CLCN5: variants seen among roughly 807,000 people sequenced by gnomAD.
CLCN5 encodes the protein H(+)/Cl(-) exchange transporter 5.
CLCN5 carries 17 observed loss-of-function variants against 54.0 expected under a neutral mutation model. The observed-to-expected ratio is 0.31, with a 90% confidence interval of 0.22 to 0.47. CLCN5 has a LOEUF of 0.47. Among genes scored for constraint, CLCN5 ranks in the 20% least tolerant of loss-of-function variants. The probability of loss-of-function intolerance (pLI) is 1.00; values close to 1 mark genes in which losing one functional copy is unlikely to be tolerated. For missense variants in CLCN5, 448 were observed against 646.7 expected (o/e 0.69, Z 3.33); for synonymous variants, 222 against 233.0 (o/e 0.95, Z 0.43).
rs368908988 is a variant in CLCN5 at position 50,072,316 on chromosome X, C to T, written c.316-173C>T. Among the ~76,000 whole-genome samples, 7 of 111,420 alleles carry T rather than the reference C, an allele frequency of 6.3e-5. No individual in the cohort carries two copies. In the South Asian group the frequency reaches 2.6e-3, roughly 42 times the overall value. Reference sequence around the variant, plus strand: ...AATACTGTAGATGAAGGTGGGGTTTCGGTAAACCTCAAAGTTGTTAGTGAA... The same window carrying T: ...AATACTGTAGATGAAGGTGGGGTTTTGGTAAACCTCAAAGTTGTTAGTGAA... On this transcript the variant is annotated intron_variant, in intron 5 of 14. Coordinates refer to ENST00000376091, the MANE Select transcript of CLCN5 (RefSeq NM_001127898.4).
intron 4 of CLCN5, among the ~76,000 whole-genome samples, chrX:50,056,036 G>A: frequency 9.2e-6 from 1 of 108,595 alleles, no homozygotes; most frequent in Admixed American, 1.0e-4. Flanking sequence ...ATTCCCACAT[G>A]AGATATATAT....
intron 3 of CLCN5, among the ~76,000 whole-genome samples, chrX:49,989,564 A>G (rs1027049316): frequency 8.9e-6 from 1 of 112,404 alleles, no homozygotes; most frequent in African/African-American, 3.2e-5. Context: ...TTATTTAAAA[A>G]GTATATTAAG....
chrX:50,003,648 G>A, intron 3 of CLCN5: 3 of 308,633 alleles, frequency 9.7e-6, no homozygotes, highest in South Asian at 8.9e-5. Context: ...TTCACCAAAA[G>A]AAAAACACAC....
At chrX:49,983,245 A>G (rs17174048) in intron 3 of CLCN5, among the ~76,000 whole-genome samples, 8,297 of 111,919 alleles carry the variant, frequency 0.074, 762 homozygotes, top group African/African-American at 0.26. Context: ...TGGGAGTATT[A>G]GCTCAGAACA....
intron 3 of CLCN5, among the ~76,000 whole-genome samples, chrX:50,037,383 G>T (rs981102063): frequency 8.9e-6 from 1 of 112,224 alleles, no homozygotes; most frequent in African/African-American, 3.2e-5. Flanking sequence ...GTGCATGTAG[G>T]TGGCCTTGCT....
At chrX:49,927,732 A>G (rs1925422556) in intron 3 of CLCN5, among the ~76,000 whole-genome samples, 1 of 112,432 alleles carries the variant, frequency 8.9e-6, no homozygotes, top group Non-Finnish European at 1.9e-5. Flanking sequence ...ACTACTCACA[A>G]TAGCCAAGAT....
chrX:49,946,941 G>A (rs1056560950), intron 3 of CLCN5, among the ~76,000 whole-genome samples: 2 of 110,402 alleles, frequency 1.8e-5, no homozygotes, highest in African/African-American at 3.3e-5. Flanking sequence ...CGATTCTCCT[G>A]CCTCAGCCTC....
At chrX:50,081,119 C>G (rs1309903773) in intron 8 of CLCN5, among the ~76,000 whole-genome samples, 2 of 111,973 alleles carry the variant, frequency 1.8e-5, no homozygotes, top group African/African-American at 6.5e-5. Flanking sequence ...CTGTTTCTAA[C>G]TACTTTTGGC....
intron 3 of CLCN5, among the ~76,000 whole-genome samples, chrX:50,004,986 A>G (rs1225216230): frequency 1.8e-5 from 2 of 112,215 alleles, no homozygotes; most frequent in African/African-American, 6.5e-5. Flanking sequence ...TGTCTCAGAA[A>G]TATCATAAAT....
chrX:49,992,674 C>T (rs1557179157), intron 3 of CLCN5, among the ~76,000 whole-genome samples: 1 of 111,428 alleles, frequency 9.0e-6, no homozygotes, highest in African/African-American at 3.3e-5. Flanking sequence ...TATTTTTTCC[C>T]CCTAGCAATA....
intron 3 of CLCN5, chrX:50,003,233 G>T: frequency 2.6e-6 from 1 of 382,852 alleles, no homozygotes. Flanking sequence ...GCAGAAGAGC[G>T]AGCCTTCTCT....
chrX:49,943,200 T>G, intron 3 of CLCN5, among the ~76,000 whole-genome samples: 1 of 102,675 alleles, frequency 9.7e-6, no homozygotes, highest in Middle Eastern at 4.8e-3. Context: ...GCATAAATGT[T>G]TTCTTTTGAG....
intron 3 of CLCN5, among the ~76,000 whole-genome samples, chrX:49,970,431 A>G (rs1928149283): frequency 1.8e-5 from 2 of 110,501 alleles, no homozygotes; most frequent in Admixed American, 1.9e-4. Flanking sequence ...CCCTACCCGC[A>G]CCTGAGCACT....
rs1222505748 is a variant in CLCN5, at chrX:50,080,848, G to A, written c.726+132G>A. The A allele has an allele frequency of 2.0e-5, 11 of 555,414 alleles. No homozygotes were observed. In the East Asian group the frequency reaches 3.9e-4, roughly 19 times the overall value. 45.8% of individuals were successfully genotyped at this position (555,414 alleles called of 1,213,427 possible). The stretch of plus-strand genomic sequence containing the variant: ...AGGATCAGATCCTGAGGCCATCTAA[G>A]ACCTAGGTCTTTCCACAAGTCCCTC... On this transcript the variant is annotated intron_variant, in intron 8 of 14. Transcript: ENST00000376091.
intron 1 of CLCN5, 72 bp from the exon 2 acceptor site, chrX:49,923,335 T>C (rs1386325152): frequency 1.8e-5 from 2 of 112,658 alleles, no homozygotes; most frequent in Non-Finnish European, 3.8e-5. Context: ...GCCTTGCTCT[T>C]GAGCGCCTTG....
chrX:50,086,959 C>T (rs988550917), intron 11 of CLCN5, 89 bp downstream of exon 11: 4 of 858,833 alleles, frequency 4.7e-6, no homozygotes, highest in Non-Finnish European at 6.8e-6. Flanking sequence ...CCTGATAGCT[C>T]ATATGGTGCT....
chrX:49,994,664 T>G (rs1280841125), intron 3 of CLCN5, among the ~76,000 whole-genome samples: 1 of 111,897 alleles, frequency 8.9e-6, no homozygotes, highest in Non-Finnish European at 1.9e-5. Flanking sequence ...CCTATTCAGT[T>G]TTGTGCTCTA....
chrX:50,087,577 C>T (rs1933934343), intron 11 of CLCN5, among the ~76,000 whole-genome samples: 1 of 111,522 alleles, frequency 9.0e-6, no homozygotes, highest in African/African-American at 3.3e-5. Context: ...TTGTTTCTTT[C>T]TTTTCTTTAG....
chrX:50,026,667 T>G (rs1024412929), intron 3 of CLCN5, among the ~76,000 whole-genome samples: 4 of 111,941 alleles, frequency 3.6e-5, no homozygotes, highest in Non-Finnish European at 5.6e-5. Context: ...CTGCTCTGTC[T>G]GAAATTAATA....
Sources: allele counts gnomAD v4.1 joint callset (sites outside exome capture counted in the v4.1 genomes callset), GRCh38; gene constraint gnomAD v4.1.1; transcripts MANE v1.5; gene names NCBI Gene and HGNC (gene_info 2026-07-23, HGNC 2026-07-21).